The following EIF4G3 variants were observed in gnomAD, a reference collection of about 807,000 sequenced individuals.
EIF4G3 encodes eukaryotic translation initiation factor 4 gamma 3, also known as eIF-4-gamma 3.
EIF4G3 carries 34 observed loss-of-function variants against 186.4 expected under a neutral mutation model. That is an observed-to-expected ratio of 0.18 (90% confidence interval 0.14 to 0.24). EIF4G3 has a LOEUF of 0.24. Among genes scored for constraint, EIF4G3 ranks in the 10% least tolerant of loss-of-function variants. EIF4G3 has a pLI of 1.00. For synonymous variants in EIF4G3, 673 were observed against 679.5 expected (o/e 0.99, Z 0.15); for missense variants, 1,536 against 1,948.5 (o/e 0.79, Z 3.99).
intron 20 of EIF4G3, among the ~76,000 whole-genome samples, chr1:20,866,958 A>C (rs1307184638): frequency 6.6e-6 from 1 of 152,216 alleles, no homozygotes; most frequent in Admixed American, 6.5e-5. Context: ...TCTAAAGAGA[A>C]GTTTCCTACA....
At chr1:20,910,782 A>C (rs2093066983) in intron 14 of EIF4G3, among the ~76,000 whole-genome samples, 1 of 152,198 alleles carries the variant, frequency 6.6e-6, no homozygotes, top group African/African-American at 2.4e-5. Context: ...TTTAGAGAGT[A>C]GGTTAAGGTT....
Position 20,941,815 on chromosome 1 carries a change from C to T in EIF4G3, c.1339G>A (p.Glu447Lys), listed in dbSNP as rs749988198. The change falls in exon 14 of 37, where the codon GAA becomes AAA. Residue 447 changes from glutamate (E) to lysine (K), a missense_variant. By Grantham distance (56) the Glu-to-Lys change is moderately conservative. Around this residue, in one of 11 missense-constraint regions of EIF4G3, gnomAD observed 560 missense variants for 547.8 expected, o/e 1.02. Transcript: ENST00000602326. Reference sequence around the variant, plus strand: ...AGTTTCATTTCTTCTGGGGGATTTTCGAGAATCTCCAATTCAAGAGTCAAT... The same window carrying T: ...AGTTTCATTTCTTCTGGGGGATTTTTGAGAATCTCCAATTCAAGAGTCAAT... Reference protein sequence around the residue: ...LPLTLELEILENPPEEMKLEC... With the variant: ...LPLTLELEILKNPPEEMKLEC... 9.3e-6 allele frequency: 15 copies of T among 1,613,652 alleles called. No individual in the cohort carries two copies. Among genetic ancestry groups the T allele is most frequent in the South Asian group, 2.2e-5 (2 of 90,994 alleles).
chr1:20,913,833 G>T (rs1400044078), intron 14 of EIF4G3, among the ~76,000 whole-genome samples: 1 of 117,598 alleles, frequency 8.5e-6, no homozygotes, highest in Non-Finnish European at 1.7e-5. Context: ...TTGAGACGGA[G>T]TCTTGCTCTG....
chr1:20,979,702 A>G (rs964983477), intron 10 of EIF4G3, among the ~76,000 whole-genome samples: 2 of 152,154 alleles, frequency 1.3e-5, no homozygotes, highest in South Asian at 2.1e-4. Context: ...TTAACTAAAT[A>G]TATTTCTATA....
intron 33 of EIF4G3, among the ~76,000 whole-genome samples, chr1:20,822,840 T>C (rs1461308463): frequency 6.6e-6 from 1 of 152,176 alleles, no homozygotes; most frequent in Non-Finnish European, 1.5e-5. Flanking sequence ...TTTACTATCA[T>C]GTTTGATTTC....
chr1:20,901,839 A>G (rs993744253), intron 15 of EIF4G3, among the ~76,000 whole-genome samples: 1 of 152,232 alleles, frequency 6.6e-6, no homozygotes, highest in African/African-American at 2.4e-5. Flanking sequence ...AGATGACTTC[A>G]TTGGCTGGAC....
chr1:20,918,487 C>A (rs778429198), intron 14 of EIF4G3, among the ~76,000 whole-genome samples: 156 of 152,164 alleles, frequency 1.0e-3, no homozygotes, highest in Non-Finnish European at 1.4e-3. Context: ...GAATTACAGG[C>A]ATGAGCCACA....
chr1:21,084,414 G>T (rs114308215), intron 3 of EIF4G3, among the ~76,000 whole-genome samples: 4,504 of 152,118 alleles, frequency 0.03, 237 homozygotes, highest in African/African-American at 0.1. Flanking sequence ...TGAACCATCA[G>T]ATCTCATGAA....
chr1:20,955,051 T>C (rs766973540), intron 12 of EIF4G3, among the ~76,000 whole-genome samples: 31 of 152,098 alleles, frequency 2.0e-4, no homozygotes, highest in Non-Finnish European at 3.8e-4. Flanking sequence ...AACTCCCTTA[T>C]GTAAAAGGTA....
Position 20,943,967 on chromosome 1 carries a change from ATTTTTTTTGT to A in EIF4G3, c.824-1647_824-1638del, listed in dbSNP as rs1336411395. On this transcript the variant is annotated intron_variant, in intron 13 of 36. Transcript: ENST00000602326. Reference sequence around the variant, plus strand: ...AAATATTTCAGGAAAACTTGTCTTTATTTTTTTTGTGTGTGTGTGTGTGTGTGTGTGTGTG... The same window carrying A: ...AAATATTTCAGGAAAACTTGTCTTTAGTGTGTGTGTGTGTGTGTGTGTGTG... 1.3e-3 allele frequency among the ~76,000 whole-genome samples: 82 copies of A among 65,370 alleles called. 3 individuals are homozygous for A. Among genetic ancestry groups the A allele is most frequent in the South Asian group, 3.8e-3 (8 of 2,096 alleles). The allele number at this position is 65,370 out of a possible 152,430, so 42.9% of individuals were successfully genotyped here. A position where few individuals can be genotyped will look rare whatever the true frequency, so the allele number is the denominator to read the frequency against.
At chr1:20,845,803 T>G (rs1253006840) in intron 29 of EIF4G3, among the ~76,000 whole-genome samples, 2 of 152,206 alleles carry the variant, frequency 1.3e-5, no homozygotes, top group Admixed American at 1.3e-4. Context: ...TTTGGTTCCA[T>G]ATGAATTTTT....
chr1:20,955,668 G>A (rs547295299), intron 12 of EIF4G3, among the ~76,000 whole-genome samples: 1 of 152,276 alleles, frequency 6.6e-6, no homozygotes, highest in East Asian at 1.9e-4. Flanking sequence ...ATAATGGGGG[G>A]CAGTTACTTA....
Position 20,941,611 on chromosome 1 carries a change from T to C in EIF4G3, c.1543A>G (p.Arg515Gly). 3.1e-6 allele frequency: 5 copies of C among 1,614,198 alleles called. No individual in the cohort carries two copies. The highest frequency in any genetic ancestry group is 4.2e-6 in the Non-Finnish European group (5 of 1,180,028). ...TTTGCATCTTCACTAAGGCAAGTTCTTATGCTCTCGTCCTCCTCTAGGACT... is the reference window on the plus strand; with the variant it reads ...TTTGCATCTTCACTAAGGCAAGTTCCTATGCTCTCGTCCTCCTCTAGGACT... ...QRVLEEDESIRTCLSEDAKEI... is the reference protein window; with the variant it reads ...QRVLEEDESIGTCLSEDAKEI... The change falls in exon 14 of 37, where the codon AGA (arginine) becomes GGA (glycine). Residue 515 changes from arginine to glycine, a missense_variant. Transcript: ENST00000602326.
chr1:20,837,463 C>G (rs1446969793), intron 30 of EIF4G3, among the ~76,000 whole-genome samples: 3 of 152,312 alleles, frequency 2.0e-5, no homozygotes, highest in African/African-American at 7.2e-5. Context: ...CTCGGCCTCC[C>G]AAAGTGCTGG....
At chr1:20,972,871 T>C in intron 11 of EIF4G3, 131 bp downstream of exon 11, 3 of 677,826 alleles carry the variant, frequency 4.4e-6, no homozygotes, top group East Asian at 5.8e-5. Flanking sequence ...GTGGTGTGAC[T>C]ATAAGGGAAG....
intron 14 of EIF4G3, among the ~76,000 whole-genome samples, chr1:20,916,478 A>G (rs2093887175): frequency 6.6e-6 from 1 of 152,000 alleles, no homozygotes; most frequent in African/African-American, 2.4e-5. Flanking sequence ...AACAAAAAAC[A>G]AAAGCAAAAT....
At chr1:21,049,468 A>T (rs1471318257) in intron 4 of EIF4G3, among the ~76,000 whole-genome samples, 1 of 152,234 alleles carries the variant, frequency 6.6e-6, no homozygotes, top group African/African-American at 2.4e-5. Flanking sequence ...TCATTTAAAC[A>T]ATCAGGAGCT....
chr1:21,044,538 C>T (rs2093763739), intron 4 of EIF4G3, among the ~76,000 whole-genome samples: 1 of 151,252 alleles, frequency 6.6e-6, no homozygotes, highest in Non-Finnish European at 1.5e-5. Flanking sequence ...TCATGGTTAA[C>T]AAGTGTGCAT....
intron 33 of EIF4G3, among the ~76,000 whole-genome samples, chr1:20,822,139 G>A (rs1408283834): frequency 2.6e-5 from 4 of 152,152 alleles, no homozygotes; most frequent in African/African-American, 7.2e-5. Context: ...GCCTCTCAAA[G>A]TGCTGGAATT....
Sources: gnomAD v4.1 joint callset for allele counts (sites outside exome capture counted in the v4.1 genomes callset) on GRCh38, gnomAD v4.1.1 for gene constraint, gnomAD v4.1.1 regional missense constraint, MANE v1.5 for transcripts, NCBI Gene and HGNC (gene_info 2026-07-23, HGNC 2026-07-21) for gene names.